Variants in TAFA5 observed in about 807,000 individuals in gnomAD.
TAFA5 encodes the protein chemokine-like protein TAFA-5.
Under a neutral mutation model 15.3 loss-of-function variants are expected in TAFA5, and 6 were observed. The observed-to-expected ratio is 0.39, with a 90% CI of 0.21 to 0.77. TAFA5 has a LOEUF of 0.77. TAFA5 is among the 30% of genes least tolerant of loss of function. The probability of loss-of-function intolerance (pLI) is 0.41; values close to 1 mark genes in which losing one functional copy is unlikely to be tolerated. For synonymous variants in TAFA5, 103 were observed against 80.7 expected, an observed-to-expected ratio of 1.28 and a Z score of -1.48; for missense variants, 161 against 193.1, an observed-to-expected ratio of 0.83 and a Z score of 0.98.
At chr22:48,538,747 G>A (rs558723958) in intron 1 of TAFA5, among the ~76,000 whole-genome samples, 1 of 152,288 alleles carries the variant, frequency 6.6e-6, no homozygotes, top group African/African-American at 2.4e-5. Context: ...AGCTCATTGA[G>A]GGCTCCTCCT....
chr22:48,642,499 C>G (rs1314961976), intron 1 of TAFA5, among the ~76,000 whole-genome samples: 1 of 152,202 alleles, frequency 6.6e-6, no homozygotes, highest in Non-Finnish European at 1.5e-5. Context: ...GCGGTCAGCA[C>G]TGGATGGCAG....
At chr22:48,507,559 A>G (rs1326006746) in intron 1 of TAFA5, among the ~76,000 whole-genome samples, 5 of 152,140 alleles carry the variant, frequency 3.3e-5, no homozygotes, top group Non-Finnish European at 5.9e-5. Context: ...TTTGCCCAGC[A>G]CGCCTCCCCA....
intron 1 of TAFA5, among the ~76,000 whole-genome samples, chr22:48,585,283 A>AAC (rs947160761): frequency 6.6e-6 from 1 of 151,088 alleles, no homozygotes; most frequent in Non-Finnish European, 1.5e-5. Flanking sequence ...AACCACACAC[A>AAC]ACACACACAC....
chr22:48,739,527 T>G (rs1367538720), intron 3 of TAFA5, among the ~76,000 whole-genome samples: 1 of 152,150 alleles, frequency 6.6e-6, no homozygotes, highest in Non-Finnish European at 1.5e-5. Context: ...TCTCCTGCCT[T>G]CAGCCCGAGG....
Position 48,577,084 on chromosome 22 carries a change from C to G in TAFA5, c.113-69513C>G, listed in dbSNP as rs1442970468. Among the ~76,000 whole-genome samples the G allele has an allele frequency of 1.3e-5, 2 of 152,218 alleles. 1 individual carries two copies. The highest frequency in any genetic ancestry group is 4.8e-5 in the African/African-American group (2 of 41,466). On this transcript the variant is annotated intron_variant, in intron 1 of 3. Transcript: ENST00000402357. ...AGGGCCCAAGCCGCCTTCCAGAGAC[C>G]CATAGGTTTGGGAAGCAGGGGCTTG... is the stretch of plus-strand genomic sequence containing the variant.
intron 2 of TAFA5, among the ~76,000 whole-genome samples, chr22:48,663,312 G>A (rs1927508183): frequency 6.6e-6 from 1 of 150,924 alleles, no homozygotes; most frequent in African/African-American, 2.5e-5. Context: ...AGTGGGCTGA[G>A]GGGCCACATT....
At chr22:48,561,505 G>C (rs1923228449) in intron 1 of TAFA5, among the ~76,000 whole-genome samples, 1 of 152,174 alleles carries the variant, frequency 6.6e-6, no homozygotes, top group South Asian at 2.1e-4. Context: ...TCTGGAGCCT[G>C]ACCTCTCTGT....
intron 2 of TAFA5, among the ~76,000 whole-genome samples, chr22:48,698,332 T>C (rs55781021): frequency 0.62 from 93,469 of 150,624 alleles, 29,692 homozygotes; most frequent in African/African-American, 0.76. Context: ...AAAAATTAGC[T>C]GGGTGTGGTG....
intron 1 of TAFA5, among the ~76,000 whole-genome samples, chr22:48,525,941 T>G (rs897169384): frequency 1.3e-5 from 2 of 152,206 alleles, no homozygotes; most frequent in Non-Finnish European, 2.9e-5. Context: ...CCCGCTGCCC[T>G]GCCTCCCAGA....
intron 1 of TAFA5, among the ~76,000 whole-genome samples, chr22:48,492,112 C>G (rs1928173484): frequency 1.3e-5 from 2 of 148,892 alleles, no homozygotes; most frequent in South Asian, 4.4e-4. Flanking sequence ...GAACTGCAGT[C>G]CTAGAGAAAA....
chr22:48,579,043 A>G (rs5768744), intron 1 of TAFA5, among the ~76,000 whole-genome samples: 22,949 of 152,206 alleles, frequency 0.15, 1,908 homozygotes, highest in South Asian at 0.27. Flanking sequence ...TGTTTTCTTC[A>G]GGGGTGAAGA....
intron 2 of TAFA5, among the ~76,000 whole-genome samples, chr22:48,698,636 A>T (rs1225008767): frequency 9.3e-5 from 3 of 32,338 alleles, no homozygotes; most frequent in Non-Finnish European, 1.2e-4. Flanking sequence ...CCACCTGTTC[A>T]TAGGAGCATC....
chr22:48,655,442 T>A (rs1339744851), intron 2 of TAFA5, among the ~76,000 whole-genome samples: 1 of 152,168 alleles, frequency 6.6e-6, no homozygotes, highest in African/African-American at 2.4e-5. Context: ...ACTAGCGTGT[T>A]CAGTTGTGTG....
At chr22:48,693,451 C>A (rs1388900461) in intron 2 of TAFA5, 36 of 1,599,270 alleles carry the variant, frequency 2.3e-5, no homozygotes, top group Non-Finnish European at 3.0e-5. Flanking sequence ...GCGACTCTTG[C>A]AGATGGCTGT....
chr22:48,593,658 C>T (rs1407736932), intron 1 of TAFA5, among the ~76,000 whole-genome samples: 2 of 152,198 alleles, frequency 1.3e-5, no homozygotes. Context: ...TGTTGGGCGC[C>T]TTCTCACCGC....
At chr22:48,537,158 G>A (rs1465269823) in intron 1 of TAFA5, among the ~76,000 whole-genome samples, 1 of 145,948 alleles carries the variant, frequency 6.9e-6, no homozygotes, top group African/African-American at 2.5e-5. Flanking sequence ...GGCCCCGATG[G>A]AACGGATTGT....
At chr22:48,540,214 T>G (rs1922315111) in intron 1 of TAFA5, among the ~76,000 whole-genome samples, 1 of 151,958 alleles carries the variant, frequency 6.6e-6, no homozygotes, top group African/African-American at 2.4e-5. Context: ...AAAGGTGTGT[T>G]TGAATTCATT....
chr22:48,707,565 C>A (rs1411958093), intron 2 of TAFA5, among the ~76,000 whole-genome samples, 152 bp from the exon 3 acceptor site: 1 of 152,152 alleles, frequency 6.6e-6, no homozygotes, highest in African/African-American at 2.4e-5. Context: ...AGCCCCTGGG[C>A]CCAGTGTCCC....
Position 48,513,655 on chromosome 22 carries a change from C to T in TAFA5, c.112+23951C>T, listed in dbSNP as rs575787979. On this transcript the variant is annotated intron_variant, in intron 1 of 3. Coordinates refer to ENST00000402357, the MANE Select transcript of TAFA5 (RefSeq NM_001082967.3). ...CAGGCCTGTGCGGCCCCAGAGCCCG[C>T]GTCTGCCCTGTGGTTCTGACAGGGC... Among the ~76,000 whole-genome samples the T allele has an allele frequency of 2.1e-3, 324 of 152,360 alleles. 3 individuals are homozygous for T. Among genetic ancestry groups the T allele is most frequent in the African/African-American group, 7.4e-3 (308 of 41,592 alleles).
Sources: allele counts gnomAD v4.1 joint callset (sites outside exome capture counted in the v4.1 genomes callset), GRCh38; gene constraint gnomAD v4.1.1; transcripts MANE v1.5; gene names NCBI Gene and HGNC (gene_info 2026-07-23, HGNC 2026-07-21).